PPFIA2: variants seen among roughly 807,000 people sequenced by gnomAD.
PPFIA2 encodes liprin-alpha-2.
In PPFIA2, 46 loss-of-function variants were observed where a neutral mutation model predicts 175.5. The ratio of observed to expected loss-of-function variants is 0.26; its 90% CI spans 0.21 to 0.34. The LOEUF (loss-of-function observed/expected upper bound fraction) is 0.34. PPFIA2 is among the 10% of genes least tolerant of loss of function. The probability of loss-of-function intolerance (pLI) is 1.00; values close to 1 mark genes in which losing one functional copy is unlikely to be tolerated. For missense variants in PPFIA2, 1,179 were observed against 1,506.1 expected, an observed-to-expected ratio of 0.78 and a Z score of 3.60; for synonymous variants, 568 against 511.4, an observed-to-expected ratio of 1.11 and a Z score of -1.49.
intron 7 of PPFIA2, among the ~76,000 whole-genome samples, chr12:81,428,275 G>A (rs17008545): frequency 0.16 from 24,299 of 151,740 alleles, 2,701 homozygotes; most frequent in East Asian, 0.42. Context: ...AATCAAAATA[G>A]GAGAGAGTCT....
intron 3 of PPFIA2, among the ~76,000 whole-genome samples, chr12:81,714,681 T>C (rs2078365577): frequency 6.6e-6 from 1 of 151,052 alleles, no homozygotes. Context: ...TTTGTTAGAC[T>C]CTGAAGAAAT....
intron 4 of PPFIA2, among the ~76,000 whole-genome samples, chr12:81,490,364 AC>A (rs2059296628): frequency 1.3e-5 from 2 of 152,034 alleles, no homozygotes; most frequent in African/African-American, 4.8e-5. Context: ...GTCCTTAATT[AC>A]CAAATGGAGA....
chr12:81,674,106 C>T (rs894960856), intron 4 of PPFIA2, among the ~76,000 whole-genome samples: 4 of 151,926 alleles, frequency 2.6e-5, no homozygotes, highest in African/African-American at 9.7e-5. Flanking sequence ...TTTTCTAATG[C>T]TTCAGAAATA....
intron 11 of PPFIA2, among the ~76,000 whole-genome samples, chr12:81,373,519 G>A (rs777420339): frequency 2.0e-5 from 3 of 151,940 alleles, no homozygotes; most frequent in East Asian, 1.9e-4. Flanking sequence ...ACTACAGAAC[G>A]ATCCAAATTA....
At chr12:81,551,187 T>C (rs2067858318) in intron 4 of PPFIA2, among the ~76,000 whole-genome samples, 1 of 151,938 alleles carries the variant, frequency 6.6e-6, no homozygotes, top group Non-Finnish European at 1.5e-5. Context: ...TTACTTAGCA[T>C]GTAGCAGATG....
At chr12:81,610,586 G>T (rs1343376839) in intron 4 of PPFIA2, among the ~76,000 whole-genome samples, 2 of 152,032 alleles carry the variant, frequency 1.3e-5, no homozygotes, top group East Asian at 1.9e-4. Context: ...AGTTCAGTTT[G>T]GTTCTTTCTT....
intron 7 of PPFIA2, among the ~76,000 whole-genome samples, chr12:81,416,096 G>A (rs2045202297): frequency 6.6e-6 from 1 of 151,578 alleles, no homozygotes; most frequent in South Asian, 2.1e-4. Flanking sequence ...GTTAAGGCAA[G>A]ACTGTTATTT....
At chr12:81,448,995 T>C (rs2051876287) in intron 5 of PPFIA2, among the ~76,000 whole-genome samples, 2 of 152,206 alleles carry the variant, frequency 1.3e-5, no homozygotes, top group Admixed American at 6.5e-5. Context: ...CAATAAAATA[T>C]CAAAGTTTCT....
Position 81,347,865 on chromosome 12 carries a change from G to A in PPFIA2, c.1995-95C>T, listed in dbSNP as rs188126581. On this transcript the variant is annotated intron_variant, in intron 17 of 32. Transcript: ENST00000549396. The stretch of plus-strand genomic sequence containing the variant: ...TCATTGGAATTCACATAATAAATCA[G>A]TAGAAACTATTCTTGAACATTTTAC... The A allele has an allele frequency of 1.5e-3, 2,186 of 1,467,704 alleles. 2 individuals carry two copies. The highest frequency in any genetic ancestry group is 1.6e-3 in the Non-Finnish European group (1,781 of 1,109,514). The allele number at this position is 1,467,704 out of a possible 1,614,324, so 90.9% of individuals were successfully genotyped here. A position where few individuals can be genotyped will look rare whatever the true frequency, so the allele number is the denominator to read the frequency against.
At chr12:81,510,707 G>T (rs2061679296) in intron 4 of PPFIA2, among the ~76,000 whole-genome samples, 1 of 152,004 alleles carries the variant, frequency 6.6e-6, no homozygotes, top group African/African-American at 2.4e-5. Flanking sequence ...GGTGGAAGAA[G>T]AATTCTCACT....
rs1334612634 is a variant in PPFIA2, at chr12:81,340,631, G to A, written c.2393+447C>T. On this transcript the variant is annotated intron_variant, in intron 20 of 32. Transcript: ENST00000549396. ...ACTTTCTGACTGAGGAGTTATTACTGCTGGCAGCAGCAGTACCCACAGGAT... is the reference window on the plus strand; with the variant it reads ...ACTTTCTGACTGAGGAGTTATTACTACTGGCAGCAGCAGTACCCACAGGAT... Among the ~76,000 whole-genome samples the A allele has an allele frequency of 3.3e-5, 5 of 152,046 alleles. No homozygotes were observed. The East Asian group carries it at 9.7e-4, about 29-fold the overall frequency.
intron 4 of PPFIA2, among the ~76,000 whole-genome samples, chr12:81,486,477 T>C (rs886848062): frequency 1.3e-5 from 2 of 151,950 alleles, no homozygotes; most frequent in African/African-American, 4.8e-5. Context: ...GAAATTATAT[T>C]ATTGATAGAA....
rs748481200 is a variant in PPFIA2, at chr12:81,268,124, TTTTC to T, written c.3311-41_3311-38del. On this transcript the variant is annotated intron_variant, in intron 28 of 32. Transcript: ENST00000549396. ...GATGCATCATTTTAGGATGCATTAT[TTTTC>T]TTTCTTTTTTTTTTTTTTTTTTTTT... 261 of 1,106,252 alleles carry T rather than the reference TTTTC, an allele frequency of 2.4e-4. No homozygotes were observed. In the African/African-American group the frequency reaches 3.7e-3, roughly 16 times the overall value. 68.5% of individuals were successfully genotyped at this position (1,106,252 alleles called of 1,614,324 possible).
chr12:81,585,521 T>C (rs1199446807), intron 4 of PPFIA2, among the ~76,000 whole-genome samples: 1 of 151,912 alleles, frequency 6.6e-6, no homozygotes, highest in Admixed American at 6.6e-5. Flanking sequence ...TTTTAAACTT[T>C]TAAATTAAAA....
chr12:81,654,754 A>G (rs1052313940), intron 4 of PPFIA2, among the ~76,000 whole-genome samples: 1 of 152,122 alleles, frequency 6.6e-6, no homozygotes, highest in Non-Finnish European at 1.5e-5. Context: ...TGACTCCCAG[A>G]AACTGAGATT....
At chr12:81,619,830 C>T (rs1380833051) in intron 4 of PPFIA2, among the ~76,000 whole-genome samples, 1 of 152,092 alleles carries the variant, frequency 6.6e-6, no homozygotes, top group Non-Finnish European at 1.5e-5. Flanking sequence ...CACAATATTT[C>T]CTTGTGGTCA....
chr12:81,444,421 G>A (rs774515873), intron 6 of PPFIA2, among the ~76,000 whole-genome samples: 11 of 152,082 alleles, frequency 7.2e-5, no homozygotes, highest in South Asian at 4.2e-4. Flanking sequence ...TTTATAAAAA[G>A]AGAGGAAATA....
intron 4 of PPFIA2, among the ~76,000 whole-genome samples, chr12:81,533,957 C>T (rs1241146786): frequency 4.6e-5 from 7 of 151,348 alleles, no homozygotes. Context: ...GAATATGTGA[C>T]ATATATACAC....
chr12:81,597,755 T>A (rs1025769711), intron 4 of PPFIA2, among the ~76,000 whole-genome samples: 1 of 142,622 alleles, frequency 7.0e-6, no homozygotes, highest in East Asian at 2.1e-4. Flanking sequence ...TTTTTTTTTT[T>A]AATTCACAGA....
Sources: gnomAD v4.1 joint callset for allele counts (sites outside exome capture counted in the v4.1 genomes callset) on GRCh38, gnomAD v4.1.1 for gene constraint, MANE v1.5 for transcripts, NCBI Gene and HGNC (gene_info 2026-07-23, HGNC 2026-07-21) for gene names.